The following MTMR8 variants were observed in gnomAD, a reference collection of about 807,000 sequenced individuals.
The protein encoded by MTMR8 is phosphatidylinositol-3,5-bisphosphate 3-phosphatase MTMR8.
In MTMR8, 65 loss-of-function variants were observed where a neutral mutation model predicts 39.3. The observed-to-expected ratio is 1.65, with a 90% CI of 1.35 to 2.03. MTMR8 has a LOEUF of 2.03. Ranked by LOEUF, MTMR8 falls within the 30% of genes most tolerant of loss-of-function variation. The probability of loss-of-function intolerance (pLI) is 0.00; values close to 1 mark genes in which losing one functional copy is unlikely to be tolerated. For synonymous variants in MTMR8, 245 were observed against 185.2 expected (o/e 1.32, Z -2.62); for missense variants, 777 against 538.9 (o/e 1.44, Z -4.37).
intron 12 of MTMR8, among the ~76,000 whole-genome samples, chrX:64,275,336 A>G (rs1931847855): frequency 9.0e-6 from 1 of 111,065 alleles, no homozygotes; most frequent in Admixed American, 9.6e-5. Context: ...GCCCAAAGGT[A>G]GTGGAGGAAG....
chrX:64,284,093 G>C (rs773306752), intron 12 of MTMR8, among the ~76,000 whole-genome samples: 2 of 111,477 alleles, frequency 1.8e-5, no homozygotes, highest in Non-Finnish European at 3.8e-5. Context: ...TTAGATGAAT[G>C]GCTAACTAGA....
rs745697466 is a variant in MTMR8, at chrX:64,279,736, T to C, written c.1482-8663A>G. 1.2e-4 allele frequency among the ~76,000 whole-genome samples: 13 copies of C among 111,893 alleles called. No homozygotes were observed. The East Asian group carries it at 3.1e-3, about 27-fold the overall frequency. ...ACACACTTCTTGACTTCAAAAGATA[T>C]TATTAAGCTACAGTAATCAGTACAA... is the stretch of plus-strand genomic sequence containing the variant. On this transcript the variant is annotated intron_variant, in intron 12 of 13. Coordinates refer to ENST00000374852, the MANE Select transcript of MTMR8 (RefSeq NM_017677.4).
intron 12 of MTMR8, among the ~76,000 whole-genome samples, chrX:64,285,309 C>T (rs1256278951): frequency 2.7e-5 from 3 of 111,246 alleles, no homozygotes; most frequent in South Asian, 3.8e-4. Context: ...ACAGAAGCAC[C>T]CAGATTCATA....
intron 10 of MTMR8, among the ~76,000 whole-genome samples, chrX:64,332,895 C>T (rs1367426049): frequency 9.0e-6 from 1 of 111,384 alleles, no homozygotes; most frequent in African/African-American, 3.3e-5. Context: ...ATTATATTTC[C>T]AAAGGCTGCT....
At chrX:64,354,517 G>T (rs971372039) in intron 4 of MTMR8, among the ~76,000 whole-genome samples, 4 of 111,406 alleles carry the variant, frequency 3.6e-5, no homozygotes, top group African/African-American at 1.3e-4. Context: ...AAAGCATCAG[G>T]TTGTTTCTGG....
At chrX:64,385,944 A>G (rs990874244) in intron 1 of MTMR8, among the ~76,000 whole-genome samples, 2 of 111,347 alleles carry the variant, frequency 1.8e-5, no homozygotes, top group Non-Finnish European at 3.8e-5. Context: ...GACCAAACCA[A>G]TAGGGAGTCA....
At chrX:64,363,216 C>T (rs1334821065) in intron 1 of MTMR8, among the ~76,000 whole-genome samples, 1 of 111,514 alleles carries the variant, frequency 9.0e-6, no homozygotes, top group African/African-American at 3.3e-5. Context: ...AGCAAATGTC[C>T]ATCACTTTGA....
chrX:64,366,033 A>T (rs12012958), intron 1 of MTMR8, among the ~76,000 whole-genome samples: 26 of 111,861 alleles, frequency 2.3e-4, no homozygotes, highest in African/African-American at 8.5e-4. Context: ...ATAATGGTAA[A>T]GGGATAAATT....
At chrX:64,322,106 C>T (rs1247841386) in intron 12 of MTMR8, among the ~76,000 whole-genome samples, 1 of 107,638 alleles carries the variant, frequency 9.3e-6, no homozygotes, top group Non-Finnish European at 1.9e-5. Context: ...TGCAGTGGTG[C>T]AACCATGCCT....
intron 11 of MTMR8, among the ~76,000 whole-genome samples, chrX:64,330,255 AAGAC>A (rs1229316863): frequency 8.9e-6 from 1 of 112,251 alleles, no homozygotes; most frequent in African/African-American, 3.2e-5. Context: ...TAGGTAAACA[AAGAC>A]AGAATGAATA....
intron 12 of MTMR8, among the ~76,000 whole-genome samples, chrX:64,292,600 G>T (rs1198869044): frequency 9.0e-6 from 1 of 110,679 alleles, no homozygotes; most frequent in African/African-American, 3.3e-5. Flanking sequence ...CCTCTGCTTT[G>T]CCAGTAACCA....
At position 64,348,663 on chromosome X, in the gene MTMR8, T is replaced by C. The variant is rs1413853642; in HGVS notation, c.729A>G (p.Pro243=). The C allele has an allele frequency of 1.7e-6, 2 of 1,210,398 alleles. No individual in the cohort carries two copies. The highest frequency in any genetic ancestry group is 3.5e-5 in the African/African-American group (2 of 57,776). The change falls in exon 6 of 14, where the codon CCA becomes CCG. Residue 243 remains proline, a synonymous_variant. Transcript: ENST00000374852. ...SQFMYVVDTR[P]KLNAMANRAA... is the part of the protein sequence containing the mutation. ...GAAATCACTGAGAAATAGATACCTT[T>C]GGTCTTGTGTCTACAACATACATAA...
At chrX:64,332,182 C>T (rs1354428200) in intron 10 of MTMR8, among the ~76,000 whole-genome samples, 2 of 111,917 alleles carry the variant, frequency 1.8e-5, no homozygotes, top group Admixed American at 9.5e-5. Context: ...ATGTGAGCAA[C>T]GACCACATCT....
rs753462196 is a variant in MTMR8 at position 64,324,660 on chromosome X, G to A, written c.1481+4112C>T. On this transcript the variant is annotated intron_variant, in intron 12 of 13. Coordinates refer to ENST00000374852, the MANE Select transcript of MTMR8 (RefSeq NM_017677.4). ...TGATTGTGGCATTGCACTGCAGCCTGGGTGACAGAGCAGGACCCTGTCTCA... is the reference window on the plus strand; with the variant it reads ...TGATTGTGGCATTGCACTGCAGCCTAGGTGACAGAGCAGGACCCTGTCTCA... Among the ~76,000 whole-genome samples, 3 of 109,926 alleles carry A rather than the reference G, an allele frequency of 2.7e-5. No homozygotes were observed. In the East Asian group the frequency reaches 8.7e-4, roughly 32 times the overall value.
intron 12 of MTMR8, among the ~76,000 whole-genome samples, chrX:64,320,213 A>G (rs1424182042): frequency 9.0e-6 from 1 of 111,069 alleles, no homozygotes; most frequent in Non-Finnish European, 1.9e-5. Context: ...TTTATCTGCT[A>G]TTGGTGTACA....
intron 1 of MTMR8, among the ~76,000 whole-genome samples, chrX:64,381,454 T>A (rs754237399): frequency 1.8e-5 from 2 of 109,934 alleles, no homozygotes; most frequent in Non-Finnish European, 3.8e-5. Context: ...TTGTTTTTTT[T>A]TTTTTTTTCT....
At chrX:64,362,024 A>G (rs1457154612) in intron 1 of MTMR8, among the ~76,000 whole-genome samples, 2 of 110,992 alleles carry the variant, frequency 1.8e-5, no homozygotes, top group Non-Finnish European at 3.8e-5. Context: ...ACATTTTCCT[A>G]TATCAGCAAC....
intron 12 of MTMR8, among the ~76,000 whole-genome samples, chrX:64,297,194 C>T (rs1338355651): frequency 1.2e-5 from 1 of 85,338 alleles, no homozygotes; most frequent in East Asian, 4.0e-4. Flanking sequence ...TACAGTCCCA[C>T]CAACAGTGTA....
intron 1 of MTMR8, among the ~76,000 whole-genome samples, chrX:64,395,006 A>T (rs1394918350): frequency 1.8e-5 from 2 of 112,314 alleles, no homozygotes; most frequent in Non-Finnish European, 3.8e-5. Flanking sequence ...TGCAGCTAGT[A>T]TAAAAAGCTG....
Sources: allele counts gnomAD v4.1 joint callset (sites outside exome capture counted in the v4.1 genomes callset), GRCh38; gene constraint gnomAD v4.1.1; transcripts MANE v1.5; gene names NCBI Gene and HGNC (gene_info 2026-07-23, HGNC 2026-07-21).